The following IL16 variants were observed in gnomAD, a reference collection of about 807,000 sequenced individuals.
IL16 encodes pro-interleukin-16.
In IL16, 67 loss-of-function variants were observed where a neutral mutation model predicts 110.1. That is an observed-to-expected ratio of 0.61 (90% CI 0.50 to 0.75). IL16 has a LOEUF of 0.75. Among genes scored for constraint, IL16 ranks in the 30% least tolerant of loss-of-function variants. The pLI is 0.00. For missense variants in IL16, 1,545 were observed against 1,655.0 expected (o/e 0.93, Z 1.15); for synonymous variants, 689 against 662.9 (o/e 1.04, Z -0.61).
chr15:81,223,799 A>G (rs79811323), intron 1 of IL16, among the ~76,000 whole-genome samples: 1,621 of 152,280 alleles, frequency 0.011, 32 homozygotes, highest in African/African-American at 0.038. Flanking sequence ...CATGATACCA[A>G]TCTGTTCAGG....
intron 1 of IL16, among the ~76,000 whole-genome samples, chr15:81,189,120 ATTTTTT>A (rs34519204): frequency 2.3e-4 from 29 of 126,896 alleles, no homozygotes; most frequent in East Asian, 4.6e-4. Context: ...TGCCAAGATA[ATTTTTT>A]TTTTTTTTTT....
rs1898343182 is a variant in IL16 at position 81,265,652 on chromosome 15, G to GT, written c.422-7_422-6insT. ...GATTTCTTGCTGTTTTTCCTCTTCTGGTTTAGGTGTTAATCCCTATTGCAC... is the reference window on the plus strand; with the variant it reads ...GATTTCTTGCTGTTTTTCCTCTTCTGTGTTTAGGTGTTAATCCCTATTGCAC... On this transcript the variant is annotated splice_polypyrimidine_tract_variant and splice_region_variant and intron_variant, in intron 3 of 18. Coordinates refer to ENST00000683961, the MANE Select transcript of IL16 (RefSeq NM_172217.5). 1 of 1,613,124 alleles carries GT rather than the reference G, an allele frequency of 6.2e-7. No homozygotes were observed. The highest frequency in any genetic ancestry group is 1.3e-5 in the African/African-American group (1 of 74,838).
intron 3 of IL16, among the ~76,000 whole-genome samples, chr15:81,261,848 C>T (rs569293611): frequency 1.4e-4 from 21 of 152,256 alleles, no homozygotes; most frequent in East Asian, 1.9e-4. Context: ...GCAGGAGGAT[C>T]GCTTGAACCC....
intron 1 of IL16, among the ~76,000 whole-genome samples, chr15:81,208,366 CT>C (rs1267144827): frequency 6.6e-6 from 1 of 152,214 alleles, no homozygotes; most frequent in Non-Finnish European, 1.5e-5. Flanking sequence ...TGTGCAGAAG[CT>C]CGTTAGCTTA....
chr15:81,271,793 C>T (rs1161428908), intron 5 of IL16, among the ~76,000 whole-genome samples: 4 of 152,210 alleles, frequency 2.6e-5, no homozygotes, highest in Non-Finnish European at 5.9e-5. Flanking sequence ...TCCTGGAACA[C>T]ACACCACCTT....
At chr15:81,209,739 C>G (rs1461639223) in intron 1 of IL16, among the ~76,000 whole-genome samples, 1 of 152,198 alleles carries the variant, frequency 6.6e-6, no homozygotes, top group Non-Finnish European at 1.5e-5. Flanking sequence ...CACGGGGACA[C>G]TCTAGTCCAT....
At chr15:81,233,613 T>C (rs1251610633) in intron 2 of IL16, among the ~76,000 whole-genome samples, 1 of 151,922 alleles carries the variant, frequency 6.6e-6, no homozygotes, top group Non-Finnish European at 1.5e-5. Flanking sequence ...CACACACACA[T>C]ATATACACAC....
Position 81,300,456 on chromosome 15 carries a change from G to T in IL16, c.3130G>T (p.Asp1044Tyr), listed in dbSNP as rs1900224236. Residue 1044 changes from aspartate to tyrosine, a missense_variant, in exon 14 of 19, where the codon GAC (aspartate) becomes TAC (tyrosine). By Grantham distance (160) the Asp-to-Tyr change is radical. This residue lies in a region of IL16 where 356 missense variants were observed against 399.3 expected (regional missense o/e 0.89). Transcript: ENST00000683961. ...ANGSAETSAL[D>Y]TGFSLNLSEL... ...TGGTTCTGCTGAAACATCTGCCTTG[G>T]ACACAGGGTTCTCGCTCAAGTGAGT... 1.9e-6 allele frequency: 3 copies of T among 1,612,946 alleles called. No individual in the cohort carries two copies. The highest frequency in any genetic ancestry group is 2.5e-6 in the Non-Finnish European group (3 of 1,179,062).
chr15:81,220,584 A>C (rs899430343), intron 1 of IL16, among the ~76,000 whole-genome samples: 10 of 152,202 alleles, frequency 6.6e-5, no homozygotes, highest in Non-Finnish European at 1.3e-4. Flanking sequence ...ATTGCCTTTG[A>C]TGTAGGACAC....
At chr15:81,294,587 G>A (rs17875491) in intron 12 of IL16, among the ~76,000 whole-genome samples, 3 of 152,042 alleles carry the variant, frequency 2.0e-5, no homozygotes, top group Non-Finnish European at 2.9e-5. Context: ...TGCCTCAGCA[G>A]AATACAGGGC....
chr15:81,291,073 C>T (rs572179988), intron 11 of IL16, among the ~76,000 whole-genome samples: 240 of 152,288 alleles, frequency 1.6e-3, no homozygotes, highest in African/African-American at 5.1e-3. Flanking sequence ...ACCACTAGAG[C>T]ACAGAGGCTC....
chr15:81,199,019 CAAAA>C (rs71451567), intron 1 of IL16, among the ~76,000 whole-genome samples: 6 of 79,282 alleles, frequency 7.6e-5, no homozygotes, highest in African/African-American at 3.0e-4. Flanking sequence ...GACTCCATCT[CAAAA>C]AAAAAAAATA....
chr15:81,247,839 C>A (rs1198307701), intron 2 of IL16, among the ~76,000 whole-genome samples: 1 of 152,120 alleles, frequency 6.6e-6, no homozygotes, highest in African/African-American at 2.4e-5. Context: ...TTTTAAGTGC[C>A]TTATAATTAA....
intron 10 of IL16, among the ~76,000 whole-genome samples, chr15:81,289,599 G>A (rs1899612217): frequency 1.3e-5 from 2 of 152,150 alleles, no homozygotes; most frequent in African/African-American, 4.8e-5. Context: ...GTCTATTCAG[G>A]TTCTGTGCCC....
intron 2 of IL16, among the ~76,000 whole-genome samples, chr15:81,256,967 C>G (rs1394173199): frequency 6.6e-6 from 1 of 152,208 alleles, no homozygotes; most frequent in Non-Finnish European, 1.5e-5. Context: ...TCTACTGTAA[C>G]TAAGAAATAT....
chr15:81,299,630 CA>C lies in IL16; in HGVS notation c.2307del (p.Val770PhefsTer10). On this transcript the variant is annotated frameshift_variant, in exon 14 of 19. Coordinates refer to ENST00000683961, the MANE Select transcript of IL16 (RefSeq NM_172217.5). LOFTEE classifies it high-confidence loss of function. ...PKLDTANGTP[K>X]VYKSADSSTV... is the part of the protein sequence containing the mutation. ...AGCTGGACACCGCCAATGGCACTCC[CA>C]AAGTTTACAAGTCAGCAGACAGCAG... 6.2e-7 allele frequency: 1 copy of C among 1,614,234 alleles called. No individual in the cohort carries two copies. The highest frequency in any genetic ancestry group is 8.5e-7 in the Non-Finnish European group (1 of 1,180,046).
chr15:81,285,514 A>T (rs1899405231), intron 9 of IL16, among the ~76,000 whole-genome samples, 184 bp from the exon 10 acceptor site: 2 of 152,232 alleles, frequency 1.3e-5, no homozygotes, highest in African/African-American at 4.8e-5. Flanking sequence ...GTAAGGGGGT[A>T]TGGGATATGC....
At chr15:81,297,898 AAC>A (rs1396866212) in intron 13 of IL16, among the ~76,000 whole-genome samples, 4 of 152,210 alleles carry the variant, frequency 2.6e-5, no homozygotes, top group Non-Finnish European at 4.4e-5. Context: ...CTGTTTGAGT[AAC>A]ACTACAGAAA....
At chr15:81,297,848 T>C (rs1167704829) in intron 13 of IL16, among the ~76,000 whole-genome samples, 1 of 150,400 alleles carries the variant, frequency 6.6e-6, no homozygotes, top group Non-Finnish European at 1.5e-5. Context: ...GAGCAACTAG[T>C]AGTGGCAGGA....
Sources: allele counts gnomAD v4.1 joint callset (sites outside exome capture counted in the v4.1 genomes callset), GRCh38; gene constraint gnomAD v4.1.1; regional missense constraint gnomAD v4.1.1; transcripts MANE v1.5; gene names NCBI Gene and HGNC (gene_info 2026-07-23, HGNC 2026-07-21).